The following SOX5 variants were observed in gnomAD, a reference collection of about 807,000 sequenced individuals.
The protein encoded by SOX5 is transcription factor SOX-5.
SOX5 carries 9 observed loss-of-function variants against 92.0 expected under a neutral mutation model. The ratio of observed to expected loss-of-function variants is 0.10; its 90% CI spans 0.06 to 0.17. The LOEUF is 0.17. Among genes scored for constraint, SOX5 ranks in the 10% least tolerant of loss-of-function variants. The probability of loss-of-function intolerance (pLI) is 1.00; values close to 1 mark genes in which losing one functional copy is unlikely to be tolerated. For missense variants in SOX5, 642 were observed against 944.5 expected (o/e 0.68, Z 4.20); for synonymous variants, 344 against 336.3 (o/e 1.02, Z -0.25).
chr12:23,928,953 A>G (rs1231792748), intron 1 of SOX5, among the ~76,000 whole-genome samples: 1 of 151,922 alleles, frequency 6.6e-6, no homozygotes, highest in Non-Finnish European at 1.5e-5. Context: ...AAATTATTGC[A>G]AGTAAATATA....
rs188283374 is a variant in SOX5 at position 24,071,780 on chromosome 12, A to G, written c.-2+141563T>C. Among the ~76,000 whole-genome samples the G allele has an allele frequency of 1.3e-4, 20 of 152,322 alleles. 1 individual carries two copies. Among genetic ancestry groups the G allele is most frequent in the Admixed American group, 7.2e-4 (11 of 15,306 alleles). ...GTACTTAATTCATAACAGGTGGTCAATAAATACGTGGCAAATCACAGAATT... is the reference window on the plus strand; with the variant it reads ...GTACTTAATTCATAACAGGTGGTCAGTAAATACGTGGCAAATCACAGAATT... On this transcript the variant is annotated intron_variant, in intron 4 of 4. Coordinates refer to the SOX5 transcript ENST00000446891.
At chr12:24,404,519 G>A (rs974060677) in intron 1 of SOX5, among the ~76,000 whole-genome samples, 3 of 152,140 alleles carry the variant, frequency 2.0e-5, no homozygotes, top group Non-Finnish European at 4.4e-5. Context: ...TCATGTGATG[G>A]CACCACCTGA....
At chr12:23,967,521 T>C (rs1947740157) in intron 4 of SOX5, among the ~76,000 whole-genome samples, 1 of 152,092 alleles carries the variant, frequency 6.6e-6, no homozygotes, top group Non-Finnish European at 1.5e-5. Context: ...ATAAATTATA[T>C]TGAATAATAG....
intron 3 of SOX5, among the ~76,000 whole-genome samples, chr12:24,216,875 C>A (rs540237068): frequency 1.0e-3 from 155 of 152,228 alleles, no homozygotes; most frequent in Non-Finnish European, 1.9e-3. Flanking sequence ...TTGCAGTGAG[C>A]CGAGATCACA....
At chr12:24,269,688 CTTTTTTTTTT>C in intron 3 of SOX5, among the ~76,000 whole-genome samples, 1 of 116,726 alleles carries the variant, frequency 8.6e-6, no homozygotes, top group South Asian at 2.8e-4. Flanking sequence ...TATTTTTATT[CTTTTTTTTTT>C]TTTTTTTTTG....
chr12:23,877,142 A>T (rs943388319), intron 2 of SOX5, among the ~76,000 whole-genome samples: 2 of 151,902 alleles, frequency 1.3e-5, no homozygotes, highest in Non-Finnish European at 2.9e-5. Context: ...AAAGTATAAT[A>T]AAAAAAATAA....
chr12:23,748,259 A>G (rs2094062480), intron 4 of SOX5, among the ~76,000 whole-genome samples: 1 of 152,062 alleles, frequency 6.6e-6, no homozygotes, highest in African/African-American at 2.4e-5. Flanking sequence ...ACCTAACAAC[A>G]TAGTGGATAC....
At chr12:24,333,594 C>G (rs907377692) in intron 2 of SOX5, among the ~76,000 whole-genome samples, 3 of 151,884 alleles carry the variant, frequency 2.0e-5, no homozygotes, top group Non-Finnish European at 2.9e-5. Context: ...CAATACTTAA[C>G]AGCAAAAACT....
At chr12:23,624,150 G>C (rs768001290) in intron 8 of SOX5, among the ~76,000 whole-genome samples, 3 of 152,096 alleles carry the variant, frequency 2.0e-5, no homozygotes, top group Non-Finnish European at 4.4e-5. Flanking sequence ...TTCATAGAGA[G>C]TGAAGGTAGA....
At chr12:23,704,715 T>TATATATATATACAC (rs1434949526) in intron 6 of SOX5, among the ~76,000 whole-genome samples, 3 of 108,362 alleles carry the variant, frequency 2.8e-5, no homozygotes, top group African/African-American at 9.7e-5. Context: ...TATATATATA[T>TATATATATATACAC]ACACACACAC....
intron 1 of SOX5, among the ~76,000 whole-genome samples, chr12:24,558,459 T>C (rs1365945742): frequency 2.6e-5 from 4 of 152,176 alleles, no homozygotes; most frequent in African/African-American, 9.7e-5. Flanking sequence ...ATTTATTAAA[T>C]AGTCCTACAG....
chr12:24,454,362 T>C (rs1942743669), intron 1 of SOX5, among the ~76,000 whole-genome samples: 1 of 152,222 alleles, frequency 6.6e-6, no homozygotes, highest in Admixed American at 6.5e-5. Context: ...ATCAGACATA[T>C]CACTTGCACC....
At chr12:24,529,295 GT>G (rs1950973676) in intron 1 of SOX5, among the ~76,000 whole-genome samples, 2 of 152,140 alleles carry the variant, frequency 1.3e-5, no homozygotes, top group African/African-American at 2.4e-5. Context: ...ACCACATCGG[GT>G]TTTTTCCCCA....
intron 6 of SOX5, among the ~76,000 whole-genome samples, chr12:23,666,885 C>G (rs1479435971): frequency 6.6e-6 from 1 of 152,162 alleles, no homozygotes; most frequent in African/African-American, 2.4e-5. Context: ...TCTTTCAGAT[C>G]TGTTTTCTTG....
intron 2 of SOX5, among the ~76,000 whole-genome samples, chr12:23,873,274 C>T (rs1174361811): frequency 4.6e-5 from 7 of 151,008 alleles, no homozygotes; most frequent in East Asian, 2.0e-4. Flanking sequence ...GACTGAAGAC[C>T]GGCCTGGGCA....
Position 24,182,414 on chromosome 12 carries a change from A to T in SOX5, c.-2+30929T>A, listed in dbSNP as rs544710355. On this transcript the variant is annotated intron_variant, in intron 4 of 4. Coordinates refer to the SOX5 transcript ENST00000446891. ...CAGATATCAGTCCACATATTTCAAGATCAAAGCTGTAAAGCAAAATGATTT... is the reference window on the plus strand; with the variant it reads ...CAGATATCAGTCCACATATTTCAAGTTCAAAGCTGTAAAGCAAAATGATTT... Among the ~76,000 whole-genome samples, 7 of 152,332 alleles carry T rather than the reference A, an allele frequency of 4.6e-5. No individual in the cohort carries two copies. In the East Asian group the frequency reaches 1.4e-3, roughly 29 times the overall value.
At chr12:23,928,981 T>C (rs755257865) in intron 1 of SOX5, among the ~76,000 whole-genome samples, 7 of 151,500 alleles carry the variant, frequency 4.6e-5, no homozygotes, top group Non-Finnish European at 7.4e-5. Context: ...AAATAATATC[T>C]GAAAGAAAAT....
At chr12:23,653,030 AGATGGATGGATGGATGGATGGATG>A (rs377588371) in intron 7 of SOX5, among the ~76,000 whole-genome samples, 1 of 115,762 alleles carries the variant, frequency 8.6e-6, no homozygotes, top group Non-Finnish European at 1.9e-5. Flanking sequence ...ATGTACAGAT[AGATGGATGGATGGATGGATGGATG>A]GATGGATGGA....
intron 8 of SOX5, among the ~76,000 whole-genome samples, chr12:23,629,910 T>G (rs1346252118): frequency 6.6e-6 from 1 of 151,918 alleles, no homozygotes; most frequent in East Asian, 1.9e-4. Context: ...TAAAAATAAT[T>G]CACTTTCATA....
Sources: gnomAD v4.1 joint callset for allele counts (sites outside exome capture counted in the v4.1 genomes callset) on GRCh38, gnomAD v4.1.1 for gene constraint, MANE v1.5 for transcripts, NCBI Gene and HGNC (gene_info 2026-07-23, HGNC 2026-07-21) for gene names.